Variants in PRTFDC1 observed in about 807,000 individuals in gnomAD.
The protein encoded by PRTFDC1 is phosphoribosyltransferase domain-containing protein 1.
A neutral mutation model predicts 34.6 loss-of-function variants in PRTFDC1; 38 were observed. The observed-to-expected ratio is 1.10, with a 90% confidence interval of 0.85 to 1.44. PRTFDC1 has a LOEUF of 1.44. PRTFDC1 is among the 40% of genes most tolerant of loss of function. PRTFDC1 has a pLI of 0.00. For missense variants in PRTFDC1, 270 were observed against 283.0 expected, an observed-to-expected ratio of 0.95 and a Z score of 0.33; for synonymous variants, 93 against 98.1, an observed-to-expected ratio of 0.95 and a Z score of 0.31.
rs141054048 is a variant in PRTFDC1 at position 24,913,387 on chromosome 10, T to C, written c.339+23797A>G. 5.0e-4 allele frequency among the ~76,000 whole-genome samples: 76 copies of C among 152,344 alleles called. 1 individual carries two copies. The highest frequency in any genetic ancestry group is 1.8e-3 in the African/African-American group (76 of 41,570). On this transcript the variant is annotated intron_variant, in intron 3 of 8. Coordinates refer to ENST00000320152, the MANE Select transcript of PRTFDC1 (RefSeq NM_020200.7). ...TGTATTTATTAGGTTTATAAGATGA[T>C]TCATTGCACAGTTTTAAATTGCAAG... is the stretch of plus-strand genomic sequence containing the variant.
At chr10:24,951,411 A>G (rs528813687) in intron 1 of PRTFDC1, 9 of 394,130 alleles carry the variant, frequency 2.3e-5, no homozygotes, top group Non-Finnish European at 3.1e-5. Context: ...CCAGCAGGAC[A>G]ATAAACGTGT....
rs139319988 is a variant in PRTFDC1, at chr10:24,915,999, A to G, written c.339+21185T>C. Among the ~76,000 whole-genome samples, 223 of 152,234 alleles carry G rather than the reference A, an allele frequency of 1.5e-3. 2 individuals carry two copies. Among genetic ancestry groups the G allele is most frequent in the African/African-American group, 4.3e-3 (178 of 41,528 alleles). ...CTGCTTATCTTGGATGTTTAGGAGGAAAAATATTCCAAAACCACACCCCTG... is the reference window on the plus strand; with the variant it reads ...CTGCTTATCTTGGATGTTTAGGAGGGAAAATATTCCAAAACCACACCCCTG... On this transcript the variant is annotated intron_variant, in intron 3 of 8. Coordinates refer to ENST00000320152, the MANE Select transcript of PRTFDC1 (RefSeq NM_020200.7).
intron 2 of PRTFDC1, among the ~76,000 whole-genome samples, chr10:24,941,215 G>A (rs1849151698): frequency 6.6e-6 from 1 of 151,512 alleles, no homozygotes; most frequent in Non-Finnish European, 1.5e-5. Context: ...TACTATGCCT[G>A]ACTAATGTTT....
chr10:24,867,680 T>A (rs1469709085), intron 4 of PRTFDC1: 1 of 152,182 alleles, frequency 6.6e-6, no homozygotes, highest in Non-Finnish European at 1.5e-5. Context: ...GTTTTATTCT[T>A]GTTGTAGGCT....
intron 5 of PRTFDC1, 107 bp from the exon 6 acceptor site, chr10:24,857,102 C>T (rs1169567225): frequency 2.0e-6 from 2 of 981,816 alleles, no homozygotes; most frequent in Non-Finnish European, 3.3e-6. Context: ...ATTAAAAATG[C>T]CATCCAATTT....
At chr10:24,908,691 G>A (rs1484706027) in intron 3 of PRTFDC1, 26 of 1,588,254 alleles carry the variant, frequency 1.6e-5, no homozygotes, top group African/African-American at 2.7e-5. Flanking sequence ...CGCAGCTTTG[G>A]GAGAGACACA....
At chr10:24,916,161 G>GT (rs1848692299) in intron 3 of PRTFDC1, among the ~76,000 whole-genome samples, 1 of 152,132 alleles carries the variant, frequency 6.6e-6, no homozygotes, top group Non-Finnish European at 1.5e-5. Flanking sequence ...GCACGTATGG[G>GT]TGATGGCTTT....
rs542412963 is a variant in PRTFDC1 at position 24,851,484 on chromosome 10, G to GA, written c.554-21dup. 0.027 allele frequency: 26,687 copies of GA among 975,634 alleles called. 4 individuals carry two copies. The highest frequency in any genetic ancestry group is 0.037 in the South Asian group (1,860 of 50,502). 60.4% of individuals were successfully genotyped at this position (975,634 alleles called of 1,614,324 possible). The stretch of plus-strand genomic sequence containing the variant: ...CAGCATCTTAGCAGACAGAGAAAGA[G>GA]AAAAAAAAAAAGGAACAAAATTTAG... On this transcript the variant is annotated intron_variant, in intron 7 of 8. Coordinates refer to ENST00000320152, the MANE Select transcript of PRTFDC1 (RefSeq NM_020200.7).
At chr10:24,930,002 T>C (rs1848946589) in intron 3 of PRTFDC1, among the ~76,000 whole-genome samples, 1 of 152,208 alleles carries the variant, frequency 6.6e-6, no homozygotes, top group South Asian at 2.1e-4. Flanking sequence ...TGCAGTGAGC[T>C]ATGATCACAC....
intron 3 of PRTFDC1, among the ~76,000 whole-genome samples, chr10:24,896,641 G>C (rs1205272269): frequency 6.6e-6 from 1 of 152,220 alleles, no homozygotes; most frequent in African/African-American, 2.4e-5. Flanking sequence ...AGGAAAGTCA[G>C]AAAGTATGTC....
At chr10:24,897,163 T>C (rs1285697659) in intron 3 of PRTFDC1, among the ~76,000 whole-genome samples, 1 of 152,154 alleles carries the variant, frequency 6.6e-6, no homozygotes, top group Non-Finnish European at 1.5e-5. Flanking sequence ...TGAGCAATTA[T>C]GAAGCCACTA....
intron 3 of PRTFDC1, among the ~76,000 whole-genome samples, chr10:24,924,122 G>A (rs1329306121): frequency 2.0e-5 from 3 of 152,124 alleles, no homozygotes; most frequent in African/African-American, 4.8e-5. Flanking sequence ...GAAAAGAAAC[G>A]AACACAGTCT....
intron 3 of PRTFDC1, among the ~76,000 whole-genome samples, chr10:24,916,916 A>G (rs1048299643): frequency 1.3e-5 from 2 of 151,962 alleles, no homozygotes; most frequent in Admixed American, 1.3e-4. Flanking sequence ...TATCTCTTCC[A>G]CCTAAACTTT....
intron 3 of PRTFDC1, among the ~76,000 whole-genome samples, chr10:24,881,574 C>T (rs1382960938): frequency 1.3e-5 from 2 of 152,150 alleles, no homozygotes; most frequent in Non-Finnish European, 1.5e-5. Flanking sequence ...GGTCTGGCTG[C>T]ATTTTTATCT....
intron 3 of PRTFDC1, among the ~76,000 whole-genome samples, chr10:24,931,310 T>A (rs1354871372): frequency 6.6e-6 from 1 of 152,060 alleles, no homozygotes; most frequent in East Asian, 1.9e-4. Flanking sequence ...TGAACTCAAC[T>A]TTCATTTTAT....
intron 3 of PRTFDC1, among the ~76,000 whole-genome samples, chr10:24,875,268 A>G (rs1219939655): frequency 1.3e-5 from 2 of 152,232 alleles, no homozygotes; most frequent in Non-Finnish European, 2.9e-5. Context: ...TGTTGAGAAC[A>G]TTTAAATCCT....
At chr10:24,866,696 T>C (rs12243323) in intron 4 of PRTFDC1, among the ~76,000 whole-genome samples, 137 of 152,144 alleles carry the variant, frequency 9.0e-4, no homozygotes, top group African/African-American at 2.7e-3. Flanking sequence ...AACTTAATCA[T>C]TGAGGGCTCA....
chr10:24,864,242 C>A (rs1847736560), intron 4 of PRTFDC1, among the ~76,000 whole-genome samples: 1 of 152,136 alleles, frequency 6.6e-6, no homozygotes, highest in Non-Finnish European at 1.5e-5. Flanking sequence ...GTTGAAATGA[C>A]AACAAAGGGT....
intron 3 of PRTFDC1, among the ~76,000 whole-genome samples, chr10:24,931,671 A>T (rs1848974153): frequency 6.6e-6 from 1 of 152,000 alleles, no homozygotes; most frequent in African/African-American, 2.4e-5. Context: ...AGAGTGAGAA[A>T]ACTATTAGCC....
Sources: gnomAD v4.1 joint callset for allele counts (sites outside exome capture counted in the v4.1 genomes callset) on GRCh38, gnomAD v4.1.1 for gene constraint, MANE v1.5 for transcripts, NCBI Gene and HGNC (gene_info 2026-07-23, HGNC 2026-07-21) for gene names.